The following ITPR1 variants were observed in gnomAD, a reference collection of about 807,000 sequenced individuals.
ITPR1 encodes inositol 1,4,5-trisphosphate receptor type 1, also known as inositol 1,4,5-trisphosphate-gated calcium channel ITPR1.
A neutral mutation model predicts 318.4 loss-of-function variants in ITPR1; 96 were observed. That is an observed-to-expected ratio of 0.30 (90% confidence interval 0.26 to 0.36). ITPR1 has a LOEUF of 0.36. ITPR1 is among the 10% of genes least tolerant of loss of function. The pLI is 1.00. For missense variants in ITPR1, 2,440 were observed against 3,460.2 expected (o/e 0.71, Z 7.40); for synonymous variants, 1,312 against 1,289.9 (o/e 1.02, Z -0.37).
chr3:4,800,069 G>A, intron 53 of ITPR1: 1 of 235,498 alleles, frequency 4.2e-6, no homozygotes, highest in East Asian at 1.2e-4. Context: ...TTAGGAAATA[G>A]TGTCCTGTAG....
intron 4 of ITPR1, among the ~76,000 whole-genome samples, chr3:4,547,966 G>T (rs1165141884): frequency 6.6e-6 from 1 of 152,146 alleles, no homozygotes; most frequent in Non-Finnish European, 1.5e-5. Flanking sequence ...GATTGGCTCA[G>T]TCTAAGTACC....
At chr3:4,520,313 A>G (rs1168736351) in intron 3 of ITPR1, among the ~76,000 whole-genome samples, 2 of 152,206 alleles carry the variant, frequency 1.3e-5, no homozygotes, top group Admixed American at 1.3e-4. Context: ...AGGACTTTAA[A>G]TACTGAGTCT....
rs143203883 is a variant in ITPR1, at chr3:4,578,480, TTGTG to T, written c.164-49268_164-49265del. 6.9e-3 allele frequency among the ~76,000 whole-genome samples: 1,034 copies of T among 150,912 alleles called. 5 individuals carry two copies. Among genetic ancestry groups the T allele is most frequent in the Non-Finnish European group, 0.012 (789 of 67,548 alleles). ...GTTGCTTTGCCAGTGAGAATTTTTA[TTGTG>T]TGTGTGTGTGTGTGCATATACATAT... On this transcript the variant is annotated intron_variant, in intron 4 of 61. Coordinates refer to ENST00000649015, the MANE Select transcript of ITPR1 (RefSeq NM_001378452.1).
At chr3:4,628,685 T>C (rs1043348573) in intron 5 of ITPR1, among the ~76,000 whole-genome samples, 3 of 152,230 alleles carry the variant, frequency 2.0e-5, no homozygotes, top group Non-Finnish European at 4.4e-5. Flanking sequence ...GCCTCCCTCC[T>C]CTGGCATGTG....
chr3:4,641,256 G>A (rs558905640), intron 6 of ITPR1, among the ~76,000 whole-genome samples: 8 of 152,102 alleles, frequency 5.3e-5, no homozygotes, highest in African/African-American at 1.9e-4. Flanking sequence ...ATCCCCTCTA[G>A]GTCTTCAGTC....
chr3:4,749,210 A>G (rs923571746), intron 44 of ITPR1: 1 of 152,266 alleles, frequency 6.6e-6, no homozygotes, highest in Non-Finnish European at 1.5e-5. Context: ...TGGTCATTTT[A>G]TGAGTCATCT....
intron 4 of ITPR1, among the ~76,000 whole-genome samples, chr3:4,594,271 G>A (rs1015055750): frequency 5.3e-5 from 8 of 152,202 alleles, no homozygotes; most frequent in East Asian, 3.9e-4. Flanking sequence ...TCACGCAATC[G>A]GGCTGAAGTC....
chr3:4,704,454 C>T (rs912288427), intron 36 of ITPR1, among the ~76,000 whole-genome samples: 19 of 152,168 alleles, frequency 1.2e-4, no homozygotes, highest in Non-Finnish European at 2.5e-4. Flanking sequence ...ACTCTGTTCT[C>T]TATCTGGGTG....
intron 20 of ITPR1, among the ~76,000 whole-genome samples, chr3:4,672,083 GTTTGATA>G (rs1205586044): frequency 6.6e-6 from 1 of 152,156 alleles, no homozygotes; most frequent in African/African-American, 2.4e-5. Flanking sequence ...TTTCATCGCT[GTTTGATA>G]TTTGATCACA....
At chr3:4,840,720 C>A (rs916249706) in intron 61 of ITPR1, among the ~76,000 whole-genome samples, 3 of 152,124 alleles carry the variant, frequency 2.0e-5, no homozygotes, top group African/African-American at 7.2e-5. Flanking sequence ...TTTAACGATG[C>A]CTCTCATCTT....
chr3:4,845,717 A>T (rs1486208369), intron 61 of ITPR1, among the ~76,000 whole-genome samples: 2 of 152,170 alleles, frequency 1.3e-5, no homozygotes, highest in South Asian at 4.1e-4. Flanking sequence ...ACCCACTGAA[A>T]GTGTGGACAC....
intron 45 of ITPR1, among the ~76,000 whole-genome samples, chr3:4,767,678 C>T (rs566924273): frequency 6.6e-6 from 1 of 152,344 alleles, no homozygotes; most frequent in African/African-American, 2.4e-5. Context: ...ACCACTACAT[C>T]TGGCTGATGT....
intron 4 of ITPR1, among the ~76,000 whole-genome samples, chr3:4,579,085 G>A (rs879827833): frequency 1.5e-4 from 23 of 152,308 alleles, no homozygotes; most frequent in African/African-American, 2.9e-4. Context: ...TTGACTTAAC[G>A]TAGCAGGCTC....
intron 39 of ITPR1, among the ~76,000 whole-genome samples, chr3:4,712,616 A>G (rs537667482): frequency 6.6e-6 from 1 of 152,378 alleles, no homozygotes; most frequent in South Asian, 2.1e-4. Flanking sequence ...TCACTGACTT[A>G]TCAAAATACC....
At chr3:4,767,012 G>C (rs1332494314) in intron 45 of ITPR1, among the ~76,000 whole-genome samples, 1 of 152,222 alleles carries the variant, frequency 6.6e-6, no homozygotes, top group Non-Finnish European at 1.5e-5. Context: ...AAAGTTGAGG[G>C]AAATACGTAT....
At chr3:4,803,646 A>G (rs1364442739) in intron 54 of ITPR1, among the ~76,000 whole-genome samples, 3 of 152,204 alleles carry the variant, frequency 2.0e-5, no homozygotes, top group Non-Finnish European at 2.9e-5. Flanking sequence ...AAAGAATTAC[A>G]TAAACAACTA....
At position 4,665,164 on chromosome 3, in the gene ITPR1, C is replaced by A. The variant is rs750000068; in HGVS notation, c.1581C>A (p.Phe527Leu). Residue 527 changes from phenylalanine (F) to leucine (L), a missense_variant, in exon 17 of 62, where the codon TTC becomes TTA. By Grantham distance (22) the Phe-to-Leu change is conservative. This residue lies in a region of ITPR1 where 478 missense variants were observed against 696.3 expected (regional missense o/e 0.69). Transcript: ENST00000649015. ...TCTTCAAGTTGTTACAAGCCCCATT[C>A]ACAGACTGCGGTGATGGCCCAATGC... ...KQIFKLLQAP[F>L]TDCGDGPMLR... is the part of the protein sequence containing the mutation. 3 of 1,614,030 alleles carry A rather than the reference C, an allele frequency of 1.9e-6. No homozygotes were observed. In the Admixed American group the frequency reaches 5.0e-5, roughly 27 times the overall value.
Position 4,702,926 on chromosome 3 carries a change from T to A in ITPR1, c.4633T>A (p.Cys1545Ser), listed in dbSNP as rs1559731146. ...MPSQKASVES[C>S]IRVLSDVAKS... ...AAGCCAAAAAGCCTCCGTGGAGAGC[T>A]GTATTCGGGTGCTGTCTGATGTAGG... The change falls in exon 36 of 62, where the codon TGT becomes AGT. Residue 1545 changes from cysteine to serine, a missense_variant. Cys to Ser is a moderately radical substitution (Grantham distance 112). Coordinates refer to ENST00000649015, the MANE Select transcript of ITPR1 (RefSeq NM_001378452.1). 8 of 1,613,976 alleles carry A rather than the reference T, an allele frequency of 5.0e-6. No individual in the cohort carries two copies. Among genetic ancestry groups the A allele is most frequent in the Non-Finnish European group, 6.8e-6 (8 of 1,179,838 alleles).
At chr3:4,551,450 A>G (rs1384485321) in intron 4 of ITPR1, among the ~76,000 whole-genome samples, 1 of 152,196 alleles carries the variant, frequency 6.6e-6, no homozygotes, top group Non-Finnish European at 1.5e-5. Context: ...TTTTTATGAG[A>G]ACAGATCTTT....
Sources: gnomAD v4.1 joint callset for allele counts (sites outside exome capture counted in the v4.1 genomes callset) on GRCh38, gnomAD v4.1.1 for gene constraint, gnomAD v4.1.1 regional missense constraint, MANE v1.5 for transcripts, NCBI Gene and HGNC (gene_info 2026-07-23, HGNC 2026-07-21) for gene names.